NEFH: variants seen among roughly 807,000 people sequenced by gnomAD.
NEFH encodes the protein neurofilament heavy polypeptide.
Under a neutral mutation model 56.6 loss-of-function variants are expected in NEFH, and 58 were observed. That is an observed-to-expected ratio of 1.03 (90% CI 0.83 to 1.28). NEFH has a LOEUF of 1.28. NEFH is among the 50% of genes most tolerant of loss of function. The pLI is 0.00. For missense variants in NEFH, 1,221 were observed against 1,307.6 expected (o/e 0.93, Z 1.02); for synonymous variants, 542 against 545.8 (o/e 0.99, Z 0.10).
chr22:29,488,981 G>A lies in NEFH; in HGVS notation c.1341G>A (p.Val447=), dbSNP rs1210275950. 6.2e-7 allele frequency: 1 copy of A among 1,614,154 alleles called. No homozygotes were observed. The highest frequency in any genetic ancestry group is 8.5e-7 in the Non-Finnish European group (1 of 1,180,024). The part of the protein sequence containing the change: ...KVKSEEKIKV[V]EKSEKETVIV... ...AAAGCGAAGAGAAGATCAAAGTGGT[G>A]GAGAAGTCTGAGAAAGAAACTGTGA... Residue 447 remains valine, a synonymous_variant, in exon 4 of 4, where the codon GTG becomes GTA. Transcript: ENST00000310624.
Position 29,491,105 on chromosome 22 carries a change from C to T in NEFH, c.*402C>T, listed in dbSNP as rs574838993. 1.1e-3 allele frequency: 365 copies of T among 346,100 alleles called. 4 individuals are homozygous for T. Among genetic ancestry groups the T allele is most frequent in the South Asian group, 8.4e-3 (357 of 42,250 alleles). 21.4% of individuals were successfully genotyped at this position (346,100 alleles called of 1,614,324 possible). The stretch of plus-strand genomic sequence containing the variant: ...ATACATTATGCTTGAGATGTCTTAA[C>T]CTATTCCCAAATGCCTTCTGTTTTC... On this transcript the variant is annotated 3_prime_UTR_variant, in exon 4 of 4. Transcript: ENST00000310624.
intron 1 of NEFH, among the ~76,000 whole-genome samples, chr22:29,482,006 ACTGT>A (rs1359000475): frequency 6.6e-6 from 1 of 152,192 alleles, no homozygotes; most frequent in Non-Finnish European, 1.5e-5. Flanking sequence ...GTCTCACGAA[ACTGT>A]CTGTAAAACT....
Position 29,481,078 on chromosome 22 carries a change from C to G in NEFH, c.816C>G (p.Arg272=). 6.5e-7 allele frequency: 1 copy of G among 1,531,942 alleles called. No individual in the cohort carries two copies. The highest frequency in any genetic ancestry group is 1.2e-5 in the South Asian group (1 of 83,928). 94.9% of individuals were successfully genotyped at this position (1,531,942 alleles called of 1,614,324 possible). A position where few individuals can be genotyped will look rare whatever the true frequency, so the allele number is the denominator to read the frequency against. The change falls in exon 1 of 4, where the codon CGC becomes CGG. Residue 272 remains arginine (R), a synonymous_variant. Transcript: ENST00000310624. ...AGTGCGACGTGACGTCGGCGCTGCG[C>G]GAGATTCGCGCGCAGCTTGAAGGCC... ...ALKCDVTSAL[R]EIRAQLEGHA...
At chr22:29,483,276 C>CAAAA in intron 1 of NEFH, 99 bp from the exon 2 acceptor site, 30 of 930,078 alleles carry the variant, frequency 3.2e-5, no homozygotes, top group Admixed American at 7.7e-5. Flanking sequence ...GAATCCGTCT[C>CAAAA]AAAAAAAAAA....
At chr22:29,481,919 C>T (rs2063013266) in intron 1 of NEFH, among the ~76,000 whole-genome samples, 1 of 152,174 alleles carries the variant, frequency 6.6e-6, no homozygotes, top group Non-Finnish European at 1.5e-5. Flanking sequence ...CACTTGCCCT[C>T]TCTGGTTTTC....
At chr22:29,487,175 G>C (rs561170932) in intron 3 of NEFH, among the ~76,000 whole-genome samples, 2 of 152,116 alleles carry the variant, frequency 1.3e-5, no homozygotes, top group Non-Finnish European at 2.9e-5. Context: ...AATAAGACCG[G>C]GGGGAGCAGG....
chr22:29,486,424 C>T (rs1381725417), intron 3 of NEFH, among the ~76,000 whole-genome samples: 1 of 152,030 alleles, frequency 6.6e-6, no homozygotes, highest in Non-Finnish European at 1.5e-5. Context: ...TTTTCATCAT[C>T]GCAAACTGAA....
At chr22:29,488,826 G>C (rs772152457) in intron 3 of NEFH, 23 bp from the exon 4 acceptor site, 5 of 1,613,258 alleles carry the variant, frequency 3.1e-6, no homozygotes, top group Middle Eastern at 3.3e-4. Context: ...TTATACTAAT[G>C]TGTTCCGTGA....
intron 3 of NEFH, among the ~76,000 whole-genome samples, chr22:29,486,301 A>G (rs2063043883): frequency 6.6e-6 from 1 of 151,996 alleles, no homozygotes. Flanking sequence ...CTGGGATTAC[A>G]GGCGAGAGCC....
At position 29,483,581 on chromosome 22, in the gene NEFH, A is replaced by C. The variant is rs2063025738; in HGVS notation, c.1083+7A>C. Reference sequence around the variant, plus strand: ...CGACATTGCCTCCTACCAGGTGGGCAGGGGCAAGGCAGACAGCCAGACTGC... The same window carrying C: ...CGACATTGCCTCCTACCAGGTGGGCCGGGGCAAGGCAGACAGCCAGACTGC... On this transcript the variant is annotated splice_region_variant and intron_variant, in intron 2 of 3. Coordinates refer to ENST00000310624, the MANE Select transcript of NEFH (RefSeq NM_021076.4). The C allele has an allele frequency of 6.2e-7, 1 of 1,613,168 alleles. No homozygotes were observed. The highest frequency in any genetic ancestry group is 8.5e-7 in the Non-Finnish European group (1 of 1,179,944).
rs756066520 is a variant in NEFH at position 29,490,608 on chromosome 22, A to G, written c.2968A>G (p.Lys990Glu). The part of the protein sequence containing the change: ...KTLSKEPSKP[K>E]AEKAEKSSST... ...CCTCTCAAAAGAGCCTAGCAAGCCT[A>G]AGGCAGAAAAGGCTGAAAAATCCTC... The change falls in exon 4 of 4, where the codon AAG becomes GAG. Residue 990 changes from lysine (K) to glutamate (E), a missense_variant. Transcript: ENST00000310624. 2 of 1,614,034 alleles carry G rather than the reference A, an allele frequency of 1.2e-6. No homozygotes were observed. Among genetic ancestry groups the G allele is most frequent in the African/African-American group, 2.7e-5 (2 of 74,930 alleles).
chr22:29,485,771 A>G lies in NEFH; in HGVS notation c.1132A>G (p.Met378Val). 1.2e-6 allele frequency: 2 copies of G among 1,614,204 alleles called. No homozygotes were observed. The highest frequency in any genetic ancestry group is 8.5e-7 in the Non-Finnish European group (1 of 1,180,024). The change falls in exon 3 of 4, where the codon ATG becomes GTG. Residue 378 changes from methionine (M) to valine (V), a missense_variant. Met to Val is a conservative substitution (Grantham distance 21, BLOSUM62 1). Transcript: ENST00000310624. ...DAELRNTKWE[M>V]AAQLREYQDL... Reference sequence around the variant, plus strand: ...TGAGCTGAGGAACACCAAGTGGGAGATGGCCGCCCAGCTGCGAGAATACCA... The same window carrying G: ...TGAGCTGAGGAACACCAAGTGGGAGGTGGCCGCCCAGCTGCGAGAATACCA...
At position 29,483,553 on chromosome 22, in the gene NEFH, G is replaced by C; in HGVS notation, c.1062G>C (p.Gln354His). The C allele has an allele frequency of 6.2e-7, 1 of 1,613,818 alleles. No individual in the cohort carries two copies. The highest frequency in any genetic ancestry group is 1.1e-5 in the South Asian group (1 of 91,088). Residue 354 changes from glutamine to histidine, a missense_variant, in exon 2 of 4, where the codon CAG becomes CAC. Transcript: ENST00000310624. ...GCTCTGAGCTGGAGGACCGTCATCA[G>C]GCCGACATTGCCTCCTACCAGGTGG... ...RQRSELEDRH[Q>H]ADIASYQEAI...
rs761524950 is a variant in NEFH at position 29,490,754 on chromosome 22, C to T, written c.*51C>T. On this transcript the variant is annotated 3_prime_UTR_variant, in exon 4 of 4. Coordinates refer to ENST00000310624, the MANE Select transcript of NEFH (RefSeq NM_021076.4). Reference sequence around the variant, plus strand: ...CAGCCAAAGAAACTCAGAAGAGTCCCGGAGCTCAAGGATCAGAGTAACACA... The same window carrying T: ...CAGCCAAAGAAACTCAGAAGAGTCCTGGAGCTCAAGGATCAGAGTAACACA... 1.3e-5 allele frequency: 21 copies of T among 1,611,266 alleles called. No individual in the cohort carries two copies. Among genetic ancestry groups the T allele is most frequent in the African/African-American group, 2.7e-5 (2 of 74,974 alleles).
In NEFH at chr22:29,489,384, G is replaced by T; in HGVS notation, c.1744G>T (p.Glu582Ter). 2 of 1,612,664 alleles carry T rather than the reference G, an allele frequency of 1.2e-6. No homozygotes were observed. The highest frequency in any genetic ancestry group is 1.3e-5 in the African/African-American group (1 of 74,750). The change falls in exon 4 of 4, where the codon GAG (glutamate) becomes TAG (stop). Residue 582 changes from glutamate (E) to a stop codon, truncating the protein, a stop_gained. Coordinates refer to ENST00000310624, the MANE Select transcript of NEFH (RefSeq NM_021076.4). LOFTEE classifies it low-confidence loss of function (END_TRUNC). ...AKSPAEVKSPEKAKSPAKEEA... is the reference protein window; with the variant it reads ...AKSPAEVKSP Reference sequence around the variant, plus strand: ...ATCTCCAGCTGAGGTCAAGTCCCCCGAGAAGGCCAAGTCCCCAGCAAAGGA... The same window carrying T: ...ATCTCCAGCTGAGGTCAAGTCCCCCTAGAAGGCCAAGTCCCCAGCAAAGGA...
chr22:29,486,584 A>C (rs780861559), intron 3 of NEFH, among the ~76,000 whole-genome samples: 2 of 136,486 alleles, frequency 1.5e-5, no homozygotes, highest in South Asian at 2.3e-4. Flanking sequence ...GTGCAGCAGC[A>C]TTATCTCGGC....
chr22:29,484,434 G>A (rs2063032066), intron 2 of NEFH, among the ~76,000 whole-genome samples: 1 of 151,772 alleles, frequency 6.6e-6, no homozygotes, highest in African/African-American at 2.4e-5. Context: ...GAGGTCAGGA[G>A]TTTGAGACCA....
chr22:29,489,018 C>A lies in NEFH; in HGVS notation c.1378C>A (p.Gln460Lys), dbSNP rs761418823. 5 of 1,614,032 alleles carry A rather than the reference C, an allele frequency of 3.1e-6. No homozygotes were observed. Among genetic ancestry groups the A allele is most frequent in the Non-Finnish European group, 4.2e-6 (5 of 1,180,008 alleles). The change falls in exon 4 of 4, where the codon CAG becomes AAG. Residue 460 changes from glutamine to lysine, a missense_variant. Physicochemically the swap from Gln to Lys is moderately conservative, Grantham distance 53. This residue lies in a region of NEFH where 243 missense variants were observed against 299.1 expected (regional missense o/e 0.81). Coordinates refer to ENST00000310624, the MANE Select transcript of NEFH (RefSeq NM_021076.4). ...GAAAGAAACTGTGATTGTGGAGGAA[C>A]AGACAGAGGAGACCCAAGTGACTGA... Reference protein sequence around the residue: ...SEKETVIVEEQTEETQVTEEV... With the variant: ...SEKETVIVEEKTEETQVTEEV...
At chr22:29,486,766 G>A (rs139362410) in intron 3 of NEFH, among the ~76,000 whole-genome samples, 3,237 of 152,018 alleles carry the variant, frequency 0.021, 126 homozygotes, top group African/African-American at 0.073. Context: ...CAGGTGATCC[G>A]CCTACCTCGG....
Sources: gnomAD v4.1 joint callset for allele counts (sites outside exome capture counted in the v4.1 genomes callset) on GRCh38, gnomAD v4.1.1 for gene constraint, gnomAD v4.1.1 regional missense constraint, MANE v1.5 for transcripts, NCBI Gene and HGNC (gene_info 2026-07-23, HGNC 2026-07-21) for gene names.